NOS1AP: variants seen among roughly 807,000 people sequenced by gnomAD.
NOS1AP encodes the protein carboxyl-terminal PDZ ligand of neuronal nitric oxide synthase protein.
A neutral mutation model predicts 56.2 loss-of-function variants in NOS1AP; 21 were observed. The observed-to-expected ratio is 0.37, with a 90% CI of 0.26 to 0.54. The LOEUF is 0.54. Among genes scored for constraint, NOS1AP ranks in the 20% least tolerant of loss-of-function variants. NOS1AP has a pLI of 0.84. For missense variants in NOS1AP, 522 were observed against 657.8 expected (o/e 0.79, Z 2.26); for synonymous variants, 270 against 274.6 (o/e 0.98, Z 0.17).
chr1:162,214,553 T>C (rs1438753905), intron 2 of NOS1AP, among the ~76,000 whole-genome samples: 1 of 152,174 alleles, frequency 6.6e-6, no homozygotes, highest in African/African-American at 2.4e-5. Context: ...TGTTCAAAAA[T>C]AATTCTCAGT....
chr1:162,271,080 T>G (rs1172495585), intron 2 of NOS1AP, among the ~76,000 whole-genome samples: 1 of 152,198 alleles, frequency 6.6e-6, no homozygotes, highest in Non-Finnish European at 1.5e-5. Flanking sequence ...TGGGGTATTA[T>G]AGAAAGTTTG....
chr1:162,089,580 A>G (rs942112448), intron 1 of NOS1AP, among the ~76,000 whole-genome samples: 2 of 152,206 alleles, frequency 1.3e-5, no homozygotes, highest in South Asian at 4.1e-4. Flanking sequence ...AAGACTTTGT[A>G]TATGTGATTA....
At chr1:162,268,931 G>C (rs1654506463) in intron 2 of NOS1AP, among the ~76,000 whole-genome samples, 1 of 152,100 alleles carries the variant, frequency 6.6e-6, no homozygotes, top group South Asian at 2.1e-4. Context: ...CAGAAAAAAA[G>C]GTGGAAACTG....
At chr1:162,340,450 G>A (rs1295848750) in intron 5 of NOS1AP, among the ~76,000 whole-genome samples, 4 of 152,158 alleles carry the variant, frequency 2.6e-5, no homozygotes, top group African/African-American at 4.8e-5. Flanking sequence ...TCCCTTAGTC[G>A]CTTTATGTTT....
chr1:162,327,156 GA>G (rs906349446), intron 4 of NOS1AP, among the ~76,000 whole-genome samples: 30 of 152,140 alleles, frequency 2.0e-4, no homozygotes, highest in African/African-American at 7.2e-4. Context: ...ATGGCAAGGG[GA>G]AAATCTCAAT....
intron 2 of NOS1AP, among the ~76,000 whole-genome samples, chr1:162,180,330 C>T (rs555133364): frequency 7.9e-5 from 12 of 152,172 alleles, no homozygotes; most frequent in Admixed American, 7.8e-4. Flanking sequence ...CTGCAAGCTC[C>T]GCCTCCCGGG....
intron 2 of NOS1AP, among the ~76,000 whole-genome samples, chr1:162,213,685 G>A (rs1652447774): frequency 6.6e-6 from 1 of 152,190 alleles, no homozygotes; most frequent in African/African-American, 2.4e-5. Context: ...GCCTGGGCAG[G>A]TGCTGTGCCA....
intron 2 of NOS1AP, among the ~76,000 whole-genome samples, chr1:162,177,019 C>T (rs1039670216): frequency 9.9e-5 from 15 of 152,164 alleles, no homozygotes; most frequent in Admixed American, 2.6e-4. Flanking sequence ...TCAGCATCTA[C>T]CTCCTCAATT....
At chr1:162,191,538 T>C (rs1651647083) in intron 2 of NOS1AP, among the ~76,000 whole-genome samples, 1 of 152,184 alleles carries the variant, frequency 6.6e-6, no homozygotes, top group African/African-American at 2.4e-5. Context: ...CAGGACTCTT[T>C]AGCATGTCTT....
At chr1:162,302,921 C>CT (rs879323032) in intron 4 of NOS1AP, among the ~76,000 whole-genome samples, 4 of 152,138 alleles carry the variant, frequency 2.6e-5, no homozygotes, top group Admixed American at 6.5e-5. Context: ...AGTATATCCT[C>CT]TTTTTTGGGA....
chr1:162,077,300 C>G (rs1294719523), intron 1 of NOS1AP, among the ~76,000 whole-genome samples: 1 of 151,848 alleles, frequency 6.6e-6, no homozygotes, highest in Non-Finnish European at 1.5e-5. Context: ...TTGCATTTCC[C>G]TTTTGAACAA....
Position 162,166,586 on chromosome 1 carries a change from G to A in NOS1AP, c.177+12110G>A, listed in dbSNP as rs549350403. On this transcript the variant is annotated intron_variant, in intron 2 of 9. Transcript: ENST00000361897. ...TGGCAGAGTAGTTTTCTCTTCTTTT[G>A]TGTTACCATTACACTCTAGAGAGAC... is the stretch of plus-strand genomic sequence containing the variant. Among the ~76,000 whole-genome samples, 304 of 152,132 alleles carry A rather than the reference G, an allele frequency of 2.0e-3. 1 individual carries two copies. Among genetic ancestry groups the A allele is most frequent in the African/African-American group, 6.6e-3 (275 of 41,524 alleles).
Position 162,156,025 on chromosome 1 carries a change from A to G in NOS1AP, c.177+1549A>G, listed in dbSNP as rs1349027700. Among the ~76,000 whole-genome samples the G allele has an allele frequency of 2.6e-5, 4 of 152,186 alleles. No homozygotes were observed. In the East Asian group the frequency reaches 5.8e-4, roughly 22 times the overall value. On this transcript the variant is annotated intron_variant, in intron 2 of 9. Coordinates refer to ENST00000361897, the MANE Select transcript of NOS1AP (RefSeq NM_014697.3). ...TCTGGTCAACAGAAACTTGAGTTCA[A>G]TGACAGCAACGTTGGGAAGAAAATT...
chr1:162,189,757 G>T (rs144276196), intron 2 of NOS1AP, among the ~76,000 whole-genome samples: 3 of 152,140 alleles, frequency 2.0e-5, no homozygotes, highest in African/African-American at 4.8e-5. Flanking sequence ...GTAATGTGAC[G>T]GAGAGTGATT....
At chr1:162,164,361 A>T (rs1320969285) in intron 2 of NOS1AP, among the ~76,000 whole-genome samples, 2 of 152,224 alleles carry the variant, frequency 1.3e-5, no homozygotes, top group African/African-American at 2.4e-5. Flanking sequence ...ACATATGTAT[A>T]TGCACACACA....
intron 1 of NOS1AP, among the ~76,000 whole-genome samples, chr1:162,130,191 T>C (rs544779087): frequency 1.3e-5 from 2 of 152,306 alleles, no homozygotes; most frequent in Admixed American, 1.3e-4. Context: ...ATAATAACAA[T>C]AGCCCTATAA....
chr1:162,192,610 C>T (rs1434119645), intron 2 of NOS1AP, among the ~76,000 whole-genome samples: 1 of 152,228 alleles, frequency 6.6e-6, no homozygotes, highest in Non-Finnish European at 1.5e-5. Flanking sequence ...TTTTCCCTGG[C>T]CTGTGCCTCA....
At chr1:162,343,997 G>A (rs1231583584) in intron 6 of NOS1AP, 21 bp downstream of exon 6, 1 of 1,613,658 alleles carries the variant, frequency 6.2e-7, no homozygotes, top group East Asian at 2.2e-5. Flanking sequence ...CGGCTTCTGT[G>A]GATGTGGGTG....
intron 1 of NOS1AP, among the ~76,000 whole-genome samples, chr1:162,133,334 T>C (rs554030243): frequency 6.6e-6 from 1 of 152,342 alleles, no homozygotes; most frequent in East Asian, 1.9e-4. Context: ...TTATCCTTTA[T>C]CTGTCTTATC....
Sources: gnomAD v4.1 joint callset for allele counts (sites outside exome capture counted in the v4.1 genomes callset) on GRCh38, gnomAD v4.1.1 for gene constraint, MANE v1.5 for transcripts, NCBI Gene and HGNC (gene_info 2026-07-23, HGNC 2026-07-21) for gene names.